The following SBF2 variants were observed in gnomAD, a reference collection of about 807,000 sequenced individuals.
The protein encoded by SBF2 is SET binding factor 2, also known as myotubularin-related protein 13.
In SBF2, 112 loss-of-function variants were observed where a neutral mutation model predicts 225.2. That is an observed-to-expected ratio of 0.50 (90% CI 0.43 to 0.58). The LOEUF (loss-of-function observed/expected upper bound fraction) is 0.58. Ranked by LOEUF, SBF2 falls within the 20% of genes least tolerant of loss-of-function variation. The pLI is 0.00. For synonymous variants in SBF2, 763 were observed against 773.3 expected, an observed-to-expected ratio of 0.99 and a Z score of 0.22; for missense variants, 1,996 against 2,206.2, an observed-to-expected ratio of 0.90 and a Z score of 1.91.
At chr11:9,932,530 T>A (rs1433477197) in intron 16 of SBF2, among the ~76,000 whole-genome samples, 1 of 152,142 alleles carries the variant, frequency 6.6e-6, no homozygotes, top group East Asian at 1.9e-4. Flanking sequence ...CCAGCCAAAC[T>A]AAGCTTCATA....
chr11:10,254,053 T>G (rs1591312019), intron 1 of SBF2, among the ~76,000 whole-genome samples: 1 of 152,164 alleles, frequency 6.6e-6, no homozygotes, highest in Admixed American at 6.6e-5. Flanking sequence ...TGTAAATTAG[T>G]ACAGTTATTA....
intron 16 of SBF2, among the ~76,000 whole-genome samples, chr11:9,908,767 G>C (rs1487447849): frequency 6.6e-6 from 1 of 151,944 alleles, no homozygotes; most frequent in Non-Finnish European, 1.5e-5. Flanking sequence ...GTGTGATTTT[G>C]GCTCACTGTA....
chr11:9,826,402 AG>A (rs1158331390), intron 28 of SBF2, among the ~76,000 whole-genome samples: 3 of 152,214 alleles, frequency 2.0e-5, no homozygotes, highest in Non-Finnish European at 4.4e-5. Context: ...AGGCAGGAAA[AG>A]AAAGTATCCA....
At chr11:10,075,827 G>T (rs1442490265) in intron 2 of SBF2, among the ~76,000 whole-genome samples, 2 of 152,066 alleles carry the variant, frequency 1.3e-5, no homozygotes, top group Non-Finnish European at 2.9e-5. Context: ...ATTGATGAAT[G>T]CAACAGAGGA....
intron 6 of SBF2, among the ~76,000 whole-genome samples, chr11:10,003,645 G>C (rs1426451725): frequency 6.6e-6 from 1 of 152,040 alleles, no homozygotes; most frequent in African/African-American, 2.4e-5. Context: ...GGGATTACAG[G>C]TGTGAGCCAC....
rs753185889 is a variant in SBF2, at chr11:10,078,627, C to T, written c.142-35646G>A. Reference sequence around the variant, plus strand: ...GGGAATATCACACATCAGGGCCTATCGGGGGTTTGGGGGCTGGGGGAGGGA... The same window carrying T: ...GGGAATATCACACATCAGGGCCTATTGGGGGTTTGGGGGCTGGGGGAGGGA... On this transcript the variant is annotated intron_variant, in intron 2 of 39. Transcript: ENST00000256190. 9.2e-5 allele frequency among the ~76,000 whole-genome samples: 12 copies of T among 130,146 alleles called. No homozygotes were observed. The South Asian group carries it at 1.1e-3, about 11-fold the overall frequency. The allele number at this position is 130,146 out of a possible 152,430, so 85.4% of individuals were successfully genotyped here.
At chr11:9,942,831 C>G (rs1380331478) in intron 16 of SBF2, among the ~76,000 whole-genome samples, 1 of 142,376 alleles carries the variant, frequency 7.0e-6, no homozygotes, top group East Asian at 2.1e-4. Flanking sequence ...AGAGTAAGAC[C>G]CTGTCTCAAA....
intron 3 of SBF2, among the ~76,000 whole-genome samples, chr11:10,032,580 A>G (rs1565154975): frequency 6.6e-6 from 1 of 152,172 alleles, no homozygotes; most frequent in Non-Finnish European, 1.5e-5. Context: ...TTTTGCTGAC[A>G]ATGTTATTTA....
chr11:10,114,571 A>C (rs915945758), intron 2 of SBF2, among the ~76,000 whole-genome samples: 2 of 152,226 alleles, frequency 1.3e-5, no homozygotes, highest in Non-Finnish European at 2.9e-5. Context: ...CTATAGTAAG[A>C]ACTACACAGT....
Position 9,856,722 on chromosome 11 carries a change from T to C in SBF2, c.2101-2A>G. ...ATAATGGTCATCAGGAAGCTTATCC[T>C]AAAAAATAAAGCAACACAATCCAAA... On this transcript the variant is annotated splice_acceptor_variant, in intron 18 of 39. Transcript: ENST00000256190. LOFTEE classifies it high-confidence loss of function. 1 of 1,611,596 alleles carries C rather than the reference T, an allele frequency of 6.2e-7. No homozygotes were observed. The highest frequency in any genetic ancestry group is 1.7e-5 in the Admixed American group (1 of 59,898).
intron 1 of SBF2, among the ~76,000 whole-genome samples, chr11:10,215,210 G>C (rs1958084957): frequency 6.6e-6 from 1 of 152,116 alleles, no homozygotes; most frequent in South Asian, 2.1e-4. Context: ...CATCTGAAGG[G>C]TGGAACCTAA....
chr11:10,254,622 G>A (rs74887104), intron 1 of SBF2, among the ~76,000 whole-genome samples: 1 of 145,188 alleles, frequency 6.9e-6, no homozygotes. Flanking sequence ...AAAAAAAAAA[G>A]AGGATGGGCA....
At chr11:9,844,097 C>T (rs1018186094) in intron 24 of SBF2, among the ~76,000 whole-genome samples, 1 of 152,116 alleles carries the variant, frequency 6.6e-6, no homozygotes, top group African/African-American at 2.4e-5. Flanking sequence ...AAAGCTTTGT[C>T]TCTTCCATTG....
chr11:10,242,028 C>T (rs1210885930), intron 1 of SBF2, among the ~76,000 whole-genome samples: 1 of 151,438 alleles, frequency 6.6e-6, no homozygotes, highest in Non-Finnish European at 1.5e-5. Context: ...ACCTAACATG[C>T]CTGCCCACAG....
At chr11:9,958,925 T>C in intron 16 of SBF2, 1 of 678,430 alleles carries the variant, frequency 1.5e-6, no homozygotes, top group Non-Finnish European at 2.7e-6. Context: ...AGCAGAAAAG[T>C]CGTTGATGTT....
At chr11:9,783,949 T>C (rs1852200573) in intron 38 of SBF2, among the ~76,000 whole-genome samples, 1 of 152,224 alleles carries the variant, frequency 6.6e-6, no homozygotes, top group African/African-American at 2.4e-5. Flanking sequence ...CGAAGGTAAC[T>C]TGTATTCTGG....
At chr11:10,248,784 G>T (rs1960045262) in intron 1 of SBF2, among the ~76,000 whole-genome samples, 1 of 152,200 alleles carries the variant, frequency 6.6e-6, no homozygotes, top group Non-Finnish European at 1.5e-5. Flanking sequence ...TGGAAATTCT[G>T]TAAAAATTAA....
chr11:9,873,654 T>C (rs1858972850), intron 17 of SBF2, among the ~76,000 whole-genome samples: 1 of 152,228 alleles, frequency 6.6e-6, no homozygotes, highest in South Asian at 2.1e-4. Flanking sequence ...AGGAGGCATA[T>C]ACCTAGAAAG....
intron 2 of SBF2, among the ~76,000 whole-genome samples, chr11:10,069,551 G>A (rs942134270): frequency 1.3e-5 from 2 of 152,052 alleles, no homozygotes; most frequent in African/African-American, 4.8e-5. Flanking sequence ...TCTTTATCCA[G>A]TCTATCATTG....
Sources: allele counts gnomAD v4.1 joint callset (sites outside exome capture counted in the v4.1 genomes callset), GRCh38; gene constraint gnomAD v4.1.1; transcripts MANE v1.5; gene names NCBI Gene and HGNC (gene_info 2026-07-23, HGNC 2026-07-21).